SERPINI1: variants seen among roughly 807,000 people sequenced by gnomAD.
The protein encoded by SERPINI1 is serpin family I member 1, also known as neuroserpin.
In SERPINI1, 19 loss-of-function variants were observed where a neutral mutation model predicts 41.1. That is an observed-to-expected ratio of 0.46 (90% CI 0.32 to 0.68). The LOEUF (loss-of-function observed/expected upper bound fraction) is 0.68, where lower values mean the gene tolerates loss of function less well. Among genes scored for constraint, SERPINI1 ranks in the 30% least tolerant of loss-of-function variants. SERPINI1 has a pLI of 0.03. For missense variants in SERPINI1, 460 were observed against 479.2 expected, an observed-to-expected ratio of 0.96 and a Z score of 0.37; for synonymous variants, 138 against 156.6, an observed-to-expected ratio of 0.88 and a Z score of 0.89.
intron 6 of SERPINI1, among the ~76,000 whole-genome samples, chr3:167,811,454 T>G (rs1307731017): frequency 9.6e-6 from 1 of 103,790 alleles, no homozygotes; most frequent in African/African-American, 3.2e-5. Context: ...GCATATGAAA[T>G]GGCTAAAAAA....
At chr3:167,803,251 A>T (rs1025354981) in intron 5 of SERPINI1, among the ~76,000 whole-genome samples, 1 of 151,536 alleles carries the variant, frequency 6.6e-6, no homozygotes, top group Non-Finnish European at 1.5e-5. Context: ...CATTGTGCAC[A>T]TGTACCCCAA....
intron 1 of SERPINI1, among the ~76,000 whole-genome samples, chr3:167,744,645 TAAATATATATAAATATAA>T (rs1292379118): frequency 7.5e-6 from 1 of 132,922 alleles, no homozygotes; most frequent in African/African-American, 2.9e-5. Context: ...TATTTATATA[TAAATATATATAAATATAA>T]AAATATATAT....
At chr3:167,763,900 C>A (rs757904552) in intron 1 of SERPINI1, among the ~76,000 whole-genome samples, 1 of 152,086 alleles carries the variant, frequency 6.6e-6, no homozygotes, top group Non-Finnish European at 1.5e-5. Flanking sequence ...AAAGTCATGT[C>A]ATTCTGAATA....
chr3:167,793,298 CA>C (rs1727589158), intron 4 of SERPINI1, among the ~76,000 whole-genome samples: 1 of 151,998 alleles, frequency 6.6e-6, no homozygotes, highest in Non-Finnish European at 1.5e-5. Context: ...GCATTATTTT[CA>C]AAGGTGTTTT....
At chr3:167,742,021 T>TA (rs1187853175) in intron 1 of SERPINI1, among the ~76,000 whole-genome samples, 4 of 152,032 alleles carry the variant, frequency 2.6e-5, no homozygotes, top group Non-Finnish European at 5.9e-5. Context: ...TATGTTCTTT[T>TA]AAAAATGCAA....
intron 1 of SERPINI1, among the ~76,000 whole-genome samples, chr3:167,747,824 T>C (rs1300057208): frequency 6.6e-6 from 1 of 152,144 alleles, no homozygotes; most frequent in Non-Finnish European, 1.5e-5. Context: ...TAAAAAGTAA[T>C]GTAGAATAAA....
chr3:167,749,042 A>G (rs1009085183), intron 1 of SERPINI1, among the ~76,000 whole-genome samples: 2 of 152,190 alleles, frequency 1.3e-5, no homozygotes, highest in African/African-American at 4.8e-5. Flanking sequence ...AAAGCATTTA[A>G]ATCTTTACAA....
At position 167,789,056 on chromosome 3, in the gene SERPINI1, G is replaced by A. The variant is rs1577418250; in HGVS notation, c.-18-55G>A. ...AGAACCTCCCAACATATCCTTCCATGAGACTTTTGTTATAGAGATAACTAA... is the reference window on the plus strand; with the variant it reads ...AGAACCTCCCAACATATCCTTCCATAAGACTTTTGTTATAGAGATAACTAA... On this transcript the variant is annotated intron_variant, in intron 1 of 8. Coordinates refer to ENST00000446050, the MANE Select transcript of SERPINI1 (RefSeq NM_001122752.2). 2.6e-6 allele frequency: 4 copies of A among 1,553,308 alleles called. No individual in the cohort carries two copies. In the East Asian group the frequency reaches 6.8e-5, roughly 26 times the overall value.
intron 6 of SERPINI1, among the ~76,000 whole-genome samples, chr3:167,808,592 G>A (rs1339938964): frequency 6.6e-6 from 1 of 152,178 alleles, no homozygotes; most frequent in African/African-American, 2.4e-5. Flanking sequence ...ATAGCACTGA[G>A]ATGATAGATT....
intron 6 of SERPINI1, among the ~76,000 whole-genome samples, chr3:167,815,853 C>T (rs1169320169): frequency 6.6e-6 from 1 of 152,142 alleles, no homozygotes; most frequent in African/African-American, 2.4e-5. Context: ...TCTTTGCTGT[C>T]TTTGAAATAA....
intron 8 of SERPINI1, among the ~76,000 whole-genome samples, chr3:167,824,865 C>G (rs1712460643): frequency 6.6e-6 from 1 of 151,794 alleles, no homozygotes; most frequent in African/African-American, 2.4e-5. Context: ...ATAGTGAGAC[C>G]CCATTTCTAC....
chr3:167,738,072 A>G (rs1241096143), intron 1 of SERPINI1, among the ~76,000 whole-genome samples: 1 of 152,160 alleles, frequency 6.6e-6, no homozygotes, highest in Non-Finnish European at 1.5e-5. Context: ...ATCTCAGGTA[A>G]TCTGAAGATT....
chr3:167,814,092 G>A (rs1384142665), intron 6 of SERPINI1, among the ~76,000 whole-genome samples: 1 of 152,044 alleles, frequency 6.6e-6, no homozygotes, highest in Non-Finnish European at 1.5e-5. Flanking sequence ...GCTCCTCTTC[G>A]CTGCCCCAGT....
At chr3:167,772,648 A>C (rs1726797963) in intron 1 of SERPINI1, among the ~76,000 whole-genome samples, 1 of 151,710 alleles carries the variant, frequency 6.6e-6, no homozygotes, top group African/African-American at 2.4e-5. Flanking sequence ...ATTCTAATTC[A>C]TTTATGGACA....
At chr3:167,762,146 C>T (rs1383443118) in intron 1 of SERPINI1, among the ~76,000 whole-genome samples, 1 of 152,102 alleles carries the variant, frequency 6.6e-6, no homozygotes, top group East Asian at 1.9e-4. Flanking sequence ...TTGTTTCCAC[C>T]CAAAAGCATC....
At chr3:167,810,221 G>A (rs1711822803) in intron 6 of SERPINI1, among the ~76,000 whole-genome samples, 1 of 151,950 alleles carries the variant, frequency 6.6e-6, no homozygotes, top group Non-Finnish European at 1.5e-5. Flanking sequence ...CATATGTCTA[G>A]TTTTTTCCTC....
intron 1 of SERPINI1, among the ~76,000 whole-genome samples, chr3:167,749,926 G>A (rs1186095472): frequency 1.3e-5 from 2 of 152,284 alleles, no homozygotes; most frequent in East Asian, 1.9e-4. Flanking sequence ...AAGCTGTGGG[G>A]CAGTATGTAG....
chr3:167,768,044 T>C (rs545828967), intron 1 of SERPINI1, among the ~76,000 whole-genome samples: 1 of 152,176 alleles, frequency 6.6e-6, no homozygotes, highest in East Asian at 1.9e-4. Flanking sequence ...TTGAAAGAAG[T>C]TCTACTATGG....
At chr3:167,746,234 A>G (rs1725861049) in intron 1 of SERPINI1, among the ~76,000 whole-genome samples, 1 of 152,164 alleles carries the variant, frequency 6.6e-6, no homozygotes, top group Non-Finnish European at 1.5e-5. Flanking sequence ...ATCTACATGG[A>G]AAAAAATAAA....
Sources: allele counts gnomAD v4.1 joint callset (sites outside exome capture counted in the v4.1 genomes callset), GRCh38; gene constraint gnomAD v4.1.1; transcripts MANE v1.5; gene names NCBI Gene and HGNC (gene_info 2026-07-23, HGNC 2026-07-21).